EPS8: variants seen among roughly 807,000 people sequenced by gnomAD.
EPS8 encodes the protein EGFR pathway substrate 8, signaling adaptor.
A neutral mutation model predicts 103.8 loss-of-function variants in EPS8; 42 were observed. That is an observed-to-expected ratio of 0.40 (90% confidence interval 0.32 to 0.52). The LOEUF is 0.52. Among genes scored for constraint, EPS8 ranks in the 20% least tolerant of loss-of-function variants. The pLI is 0.40. For synonymous variants in EPS8, 344 were observed against 344.6 expected, an observed-to-expected ratio of 1.00 and a Z score of 0.02; for missense variants, 969 against 1,005.1, an observed-to-expected ratio of 0.96 and a Z score of 0.49.
At chr12:15,652,744 G>A (rs1945437348) in intron 13 of EPS8, among the ~76,000 whole-genome samples, 1 of 152,010 alleles carries the variant, frequency 6.6e-6, no homozygotes, top group South Asian at 2.1e-4. Flanking sequence ...TGCTTTCAAA[G>A]AATTTTCTGC....
At chr12:15,625,167 T>G (rs1341412823) in intron 18 of EPS8, among the ~76,000 whole-genome samples, 1 of 152,222 alleles carries the variant, frequency 6.6e-6, no homozygotes, top group Non-Finnish European at 1.5e-5. Context: ...CTCTAGTAGT[T>G]CTTCCTAACA....
Position 15,776,092 on chromosome 12 carries a change from T to C in EPS8, c.-22+13069A>G, listed in dbSNP as rs1947204186. Reference sequence around the variant, plus strand: ...TATGTATTTTATTATATATTCAATATAAATTTGTGTACATATTTCTCTCCA... The same window carrying C: ...TATGTATTTTATTATATATTCAATACAAATTTGTGTACATATTTCTCTCCA... On this transcript the variant is annotated intron_variant, in intron 1 of 20. Coordinates refer to ENST00000281172, the MANE Select transcript of EPS8 (RefSeq NM_004447.6). The surrounding 1 kb of genome is among the most constrained non-coding windows in gnomAD (Gnocchi z 4.2). Among the ~76,000 whole-genome samples, 3 of 152,192 alleles carry C rather than the reference T, an allele frequency of 2.0e-5. No homozygotes were observed. Among genetic ancestry groups the C allele is most frequent in the South Asian group, 2.1e-4 (1 of 4,836 alleles).
chr12:15,771,619 AG>A lies in EPS8; in HGVS notation c.-22+17541del, dbSNP rs965653520. ...ATCAGTTGCATATGGCAGGTAAAGG[AG>A]AAGGGGGGTCATGGATGTGTTCTTC... is the stretch of plus-strand genomic sequence containing the variant. On this transcript the variant is annotated intron_variant, in intron 1 of 20. Coordinates refer to ENST00000281172, the MANE Select transcript of EPS8 (RefSeq NM_004447.6). This position sits in a 1 kb window ranked among gnomAD's most constrained non-coding sequence, Gnocchi z 4.6. 1.3e-5 allele frequency among the ~76,000 whole-genome samples: 2 copies of A among 152,038 alleles called. No individual in the cohort carries two copies. The highest frequency in any genetic ancestry group is 4.8e-5 in the African/African-American group (2 of 41,400).
intron 1 of EPS8, among the ~76,000 whole-genome samples, chr12:15,726,335 C>A (rs1371175354): frequency 2.0e-5 from 3 of 151,900 alleles, no homozygotes; most frequent in Non-Finnish European, 4.4e-5. Flanking sequence ...AAATCTCAGA[C>A]TCATCTGTGG....
rs1044330552 is a variant in EPS8, at chr12:15,781,193, A to G, written c.-22+7968T>C. On this transcript the variant is annotated intron_variant, in intron 1 of 20. Coordinates refer to ENST00000281172, the MANE Select transcript of EPS8 (RefSeq NM_004447.6). This position sits in a 1 kb window ranked among gnomAD's most constrained non-coding sequence, Gnocchi z 4.1. ...ACCTCTGGTCAGTAGGATACAGATGAGTCAACAGAAAACAAAGCTAGAAGA... is the reference window on the plus strand; with the variant it reads ...ACCTCTGGTCAGTAGGATACAGATGGGTCAACAGAAAACAAAGCTAGAAGA... Among the ~76,000 whole-genome samples the G allele has an allele frequency of 6.6e-6, 1 of 152,258 alleles. No homozygotes were observed. The highest frequency in any genetic ancestry group is 2.4e-5 in the African/African-American group (1 of 41,470).
At chr12:15,656,142 G>A (rs1945504314) in intron 12 of EPS8, among the ~76,000 whole-genome samples, 1 of 152,256 alleles carries the variant, frequency 6.6e-6, no homozygotes. Context: ...ATCTACATAT[G>A]ATCTCTGAAA....
In EPS8 at chr12:15,716,129, A is replaced by G. The variant is rs1053757934; in HGVS notation, c.-21-33157T>C. 2.0e-5 allele frequency among the ~76,000 whole-genome samples: 3 copies of G among 152,180 alleles called. No homozygotes were observed. The highest frequency in any genetic ancestry group is 4.4e-5 in the Non-Finnish European group (3 of 68,026). On this transcript the variant is annotated intron_variant, in intron 1 of 20. Transcript: ENST00000281172. The surrounding 1 kb of genome is among the most constrained non-coding windows in gnomAD (Gnocchi z 5.0). ...TCACTAAACTTGAGAGCTGAAAGAA[A>G]TCTGAGAGAGTATCCCAATTCCAAT...
chr12:15,698,557 T>TA lies in EPS8; in HGVS notation c.-21-15586dup, dbSNP rs62928661. Among the ~76,000 whole-genome samples, 1 of 147,632 alleles carries TA rather than the reference T, an allele frequency of 6.8e-6. No individual in the cohort carries two copies. Among genetic ancestry groups the TA allele is most frequent in the East Asian group, 2.0e-4 (1 of 5,056 alleles). On this transcript the variant is annotated intron_variant, in intron 1 of 20. Transcript: ENST00000281172. The surrounding 1 kb of genome is among the most constrained non-coding windows in gnomAD (Gnocchi z 4.9). ...TGGAAAAATAAATCTTCATCCTCTT[T>TA]AAAAAAAAAAAAAAAATTTAGCTGC...
At chr12:15,694,127 CTAAACAT>C (rs769427516) in intron 1 of EPS8, among the ~76,000 whole-genome samples, 24 of 152,090 alleles carry the variant, frequency 1.6e-4, no homozygotes, top group Non-Finnish European at 3.2e-4. Flanking sequence ...TTTTCATTGT[CTAAACAT>C]TAAGAAATAT....
rs911690725 is a variant in EPS8, at chr12:15,771,623, G to T, written c.-22+17538C>A. ...GTTGCATATGGCAGGTAAAGGAGAA[G>T]GGGGGTCATGGATGTGTTCTTCTAA... On this transcript the variant is annotated intron_variant, in intron 1 of 20. Transcript: ENST00000281172. This position sits in a 1 kb window ranked among gnomAD's most constrained non-coding sequence, Gnocchi z 4.6. Among the ~76,000 whole-genome samples the T allele has an allele frequency of 3.3e-5, 5 of 152,042 alleles. No homozygotes were observed. The highest frequency in any genetic ancestry group is 5.9e-5 in the Non-Finnish European group (4 of 68,006).
In EPS8 at chr12:15,696,485, C is replaced by G. The variant is rs961371969; in HGVS notation, c.-21-13513G>C. Among the ~76,000 whole-genome samples, 2 of 151,730 alleles carry G rather than the reference C, an allele frequency of 1.3e-5. No individual in the cohort carries two copies. The highest frequency in any genetic ancestry group is 4.8e-5 in the African/African-American group (2 of 41,288). Reference sequence around the variant, plus strand: ...TGAAACCCCATTTTTACTAAAAATACAAAAAATTAGCTGGGCATGATGACA... The same window carrying G: ...TGAAACCCCATTTTTACTAAAAATAGAAAAAATTAGCTGGGCATGATGACA... On this transcript the variant is annotated intron_variant, in intron 1 of 20. Transcript: ENST00000281172. This position sits in a 1 kb window ranked among gnomAD's most constrained non-coding sequence, Gnocchi z 4.8.
rs1387362807 is a variant in EPS8, at chr12:15,731,099, T to A, written c.-21-48127A>T. Among the ~76,000 whole-genome samples the A allele has an allele frequency of 6.6e-6, 1 of 152,220 alleles. No homozygotes were observed. Among genetic ancestry groups the A allele is most frequent in the African/African-American group, 2.4e-5 (1 of 41,452 alleles). ...ATAGTACCTTAAAGGCATATCTATA[T>A]ATGACATAGAAATTCATCTTTTTTA... On this transcript the variant is annotated intron_variant, in intron 1 of 20. Coordinates refer to ENST00000281172, the MANE Select transcript of EPS8 (RefSeq NM_004447.6). This position sits in a 1 kb window ranked among gnomAD's most constrained non-coding sequence, Gnocchi z 5.1.
Position 15,644,494 on chromosome 12 carries a change from A to T in EPS8, c.1568+2633T>A, listed in dbSNP as rs1265006617. ...CAGATCACGAGGTCAGGAGATCGAG[A>T]CCATCCTGGCTAACACGGTGAAACC... On this transcript the variant is annotated intron_variant, in intron 15 of 20. Transcript: ENST00000281172. 2.0e-5 allele frequency among the ~76,000 whole-genome samples: 3 copies of T among 152,090 alleles called. No individual in the cohort carries two copies. The East Asian group carries it at 5.8e-4, about 29-fold the overall frequency.
rs75425691 is a variant in EPS8, at chr12:15,784,525, C to A, written c.-22+4636G>T. Reference sequence around the variant, plus strand: ...AAAGATGTGGGGCAATAAGAACTCACATTCATTGCTGGTGAGAATGTAATA... The same window carrying A: ...AAAGATGTGGGGCAATAAGAACTCAAATTCATTGCTGGTGAGAATGTAATA... On this transcript the variant is annotated intron_variant, in intron 1 of 20. Coordinates refer to ENST00000281172, the MANE Select transcript of EPS8 (RefSeq NM_004447.6). The surrounding 1 kb of genome is among the most constrained non-coding windows in gnomAD (Gnocchi z 4.0). 7.6e-3 allele frequency among the ~76,000 whole-genome samples: 1,153 copies of A among 152,234 alleles called. 15 individuals carry two copies. The highest frequency in any genetic ancestry group is 0.026 in the African/African-American group (1,091 of 41,556).
rs144462203 is a variant in EPS8 at position 15,757,620 on chromosome 12, C to A, written c.-22+31541G>T. 1.3e-5 allele frequency among the ~76,000 whole-genome samples: 2 copies of A among 151,658 alleles called. No individual in the cohort carries two copies. The highest frequency in any genetic ancestry group is 3.9e-4 in the East Asian group (2 of 5,148). ...ACTCCAGCCTGGCAACAGAGCGAGA[C>A]TCCGTCTGAAGAAAAAAAAAAGAAA... is the stretch of plus-strand genomic sequence containing the variant. On this transcript the variant is annotated intron_variant, in intron 1 of 20. Coordinates refer to ENST00000281172, the MANE Select transcript of EPS8 (RefSeq NM_004447.6). This position sits in a 1 kb window ranked among gnomAD's most constrained non-coding sequence, Gnocchi z 4.1.
intron 13 of EPS8, among the ~76,000 whole-genome samples, chr12:15,651,491 C>T (rs1275282165): frequency 4.6e-5 from 7 of 152,128 alleles, no homozygotes; most frequent in Non-Finnish European, 7.4e-5. Context: ...GTTAAGATTA[C>T]GATTTTTAAA....
At chr12:15,626,627 CA>C (rs771173535) in intron 18 of EPS8, among the ~76,000 whole-genome samples, 2,803 of 61,334 alleles carry the variant, frequency 0.046, 55 homozygotes, top group African/African-American at 0.1. Context: ...GACTCCGTCT[CA>C]AAAAAAAAAA....
chr12:15,630,947 A>T (rs1321054150), intron 18 of EPS8, among the ~76,000 whole-genome samples: 2 of 152,196 alleles, frequency 1.3e-5, no homozygotes, highest in Non-Finnish European at 2.9e-5. Flanking sequence ...AAATGTCTTC[A>T]GGCAATATCA....
At chr12:15,708,242 C>T (rs1314112601) in intron 1 of EPS8, among the ~76,000 whole-genome samples, 1 of 152,202 alleles carries the variant, frequency 6.6e-6, no homozygotes, top group Non-Finnish European at 1.5e-5. Flanking sequence ...TAATTAACCC[C>T]TCTAAGCCTC....
Sources: allele counts gnomAD v4.1 joint callset (sites outside exome capture counted in the v4.1 genomes callset), GRCh38; gene constraint gnomAD v4.1.1; non-coding constraint Gnocchi (gnomAD v3.1); transcripts MANE v1.5; gene names NCBI Gene and HGNC (gene_info 2026-07-23, HGNC 2026-07-21).